Variants in PDE1C observed in about 807,000 individuals in gnomAD.
PDE1C encodes the protein phosphodiesterase 1C.
PDE1C carries 62 observed loss-of-function variants against 93.1 expected under a neutral mutation model. That is an observed-to-expected ratio of 0.67 (90% CI 0.54 to 0.82). The LOEUF (loss-of-function observed/expected upper bound fraction) is 0.82. Among genes scored for constraint, PDE1C ranks in the 40% least tolerant of loss-of-function variants. The pLI is 0.00. For synonymous variants in PDE1C, 325 were observed against 310.1 expected, an observed-to-expected ratio of 1.05 and a Z score of -0.50; for missense variants, 742 against 884.6, an observed-to-expected ratio of 0.84 and a Z score of 2.04.
chr7:31,893,036 A>G lies in PDE1C; in HGVS notation c.129-12176T>C, dbSNP rs1299838857. ...ACATTGTACCCCATAAATATATACA[A>G]TTATTGTCAGCTTATAATAAAAGTA... is the stretch of plus-strand genomic sequence containing the variant. On this transcript the variant is annotated intron_variant, in intron 2 of 17. Transcript: ENST00000396191. 2.6e-5 allele frequency among the ~76,000 whole-genome samples: 4 copies of G among 152,196 alleles called. No homozygotes were observed. The East Asian group carries it at 7.7e-4, about 29-fold the overall frequency.
At chr7:31,854,348 A>G (rs3801342) in intron 7 of PDE1C, among the ~76,000 whole-genome samples, 15,410 of 152,206 alleles carry the variant, frequency 0.1, 1,125 homozygotes, top group East Asian at 0.25. Context: ...GTGAACCCAG[A>G]AGGTTTTATG....
intron 2 of PDE1C, among the ~76,000 whole-genome samples, chr7:31,951,690 CTT>C (rs1176084681): frequency 6.6e-6 from 1 of 152,174 alleles, no homozygotes; most frequent in African/African-American, 2.4e-5. Context: ...ATGGCGAAGA[CTT>C]TTTGTTTTAC....
intron 2 of PDE1C, among the ~76,000 whole-genome samples, chr7:32,048,112 T>A (rs571756250): frequency 2.2e-4 from 33 of 152,296 alleles, no homozygotes; most frequent in African/African-American, 7.7e-4. Context: ...CTACCATTCA[T>A]CAAATGAGGA....
chr7:32,274,506 T>C (rs1424237010), intron 1 of PDE1C, among the ~76,000 whole-genome samples: 2 of 151,636 alleles, frequency 1.3e-5, no homozygotes, highest in Admixed American at 6.6e-5. Context: ...CCGCACCTAA[T>C]AGATAGTTTA....
intron 1 of PDE1C, among the ~76,000 whole-genome samples, chr7:32,405,787 C>T (rs1450974162): frequency 1.3e-5 from 2 of 152,172 alleles, no homozygotes; most frequent in African/African-American, 2.4e-5. Context: ...GCAAGCTCAG[C>T]TCTGCATTTA....
intron 16 of PDE1C, among the ~76,000 whole-genome samples, chr7:31,804,074 T>C (rs528044332): frequency 1.9e-4 from 29 of 151,956 alleles, no homozygotes; most frequent in South Asian, 1.4e-3. Context: ...TAATTTTTTA[T>C]TGGATGCCAA....
intron 1 of PDE1C, among the ~76,000 whole-genome samples, chr7:32,225,329 A>G (rs940713339): frequency 1.3e-5 from 2 of 151,174 alleles, no homozygotes; most frequent in African/African-American, 4.9e-5. Flanking sequence ...TTTTATTCCA[A>G]AGCATTCAAC....
intron 2 of PDE1C, among the ~76,000 whole-genome samples, chr7:31,889,938 G>GT (rs1365498936): frequency 1.3e-5 from 2 of 151,994 alleles, no homozygotes; most frequent in African/African-American, 4.8e-5. Context: ...TTTATCCCCT[G>GT]TTTTTATTGC....
intron 2 of PDE1C, among the ~76,000 whole-genome samples, chr7:31,941,872 A>G (rs1380019988): frequency 1.3e-5 from 2 of 152,228 alleles, no homozygotes; most frequent in African/African-American, 4.8e-5. Flanking sequence ...ATAACGTATG[A>G]AAGTCTTTTG....
chr7:31,674,902 TCAAA>T, the PDE1C span, among the ~76,000 whole-genome samples: 2 of 152,154 alleles, frequency 1.3e-5, no homozygotes, highest in Admixed American at 6.5e-5. Flanking sequence ...ATCTCAAAAC[TCAAA>T]CAAACAAACA....
At chr7:32,360,289 A>G (rs1454131418) in intron 1 of PDE1C, among the ~76,000 whole-genome samples, 1 of 152,226 alleles carries the variant, frequency 6.6e-6, no homozygotes, top group African/African-American at 2.4e-5. Flanking sequence ...GATTAGTAAG[A>G]TGAGAGACCT....
In PDE1C at chr7:31,839,891, G is replaced by T. The variant is rs541572161; in HGVS notation, c.981-1920C>A. On this transcript the variant is annotated intron_variant, in intron 9 of 17. Transcript: ENST00000396191. The stretch of plus-strand genomic sequence containing the variant: ...GTCTCTACTAAAAATACAAAAATTA[G>T]CTGGGTGTTGTGGCATGCGCCTGTA... 1.2e-3 allele frequency among the ~76,000 whole-genome samples: 182 copies of T among 152,272 alleles called. 1 individual carries two copies. The highest frequency in any genetic ancestry group is 3.9e-3 in the African/African-American group (164 of 41,566).
At chr7:32,375,103 C>T (rs1243464914) in intron 1 of PDE1C, among the ~76,000 whole-genome samples, 1 of 152,052 alleles carries the variant, frequency 6.6e-6, no homozygotes, top group Admixed American at 6.5e-5. Context: ...ATACGGTATC[C>T]CAGGGCTACT....
chr7:31,878,878 C>G (rs1044163002), intron 4 of PDE1C, 118 bp downstream of exon 4: 7 of 974,096 alleles, frequency 7.2e-6, no homozygotes, highest in Middle Eastern at 2.2e-4. Flanking sequence ...CTGTTTCTAC[C>G]CACAATTTTC....
At chr7:31,822,419 G>C (rs1436711273) in intron 14 of PDE1C, among the ~76,000 whole-genome samples, 1 of 152,096 alleles carries the variant, frequency 6.6e-6, no homozygotes, top group African/African-American at 2.4e-5. Flanking sequence ...ATGCTCAGTA[G>C]TCACAAATGC....
chr7:31,878,143 G>T, intron 4 of PDE1C, 107 bp from the exon 5 acceptor site: 2 of 693,658 alleles, frequency 2.9e-6, no homozygotes, highest in Non-Finnish European at 4.9e-6. Context: ...CAAGTGGGGT[G>T]ATCCAAAGAA....
chr7:31,749,691 T>C (rs1280298158), downstream of PDE1C, among the ~76,000 whole-genome samples: 1 of 151,252 alleles, frequency 6.6e-6, no homozygotes, highest in African/African-American at 2.4e-5. Flanking sequence ...CTGTGAGAAA[T>C]CCTCTGCAAA....
chr7:32,396,732 T>C (rs1005355891), intron 1 of PDE1C, among the ~76,000 whole-genome samples: 1 of 152,202 alleles, frequency 6.6e-6, no homozygotes, highest in Non-Finnish European at 1.5e-5. Context: ...AAAATGTTTT[T>C]TTTAAACTGG....
intron 17 of PDE1C, among the ~76,000 whole-genome samples, chr7:31,762,406 T>A (rs1266082044): frequency 6.6e-6 from 1 of 152,138 alleles, no homozygotes; most frequent in Non-Finnish European, 1.5e-5. Context: ...AGTGGCGCCA[T>A]CCCGGGTCAC....
Sources: gnomAD v4.1 joint callset for allele counts (sites outside exome capture counted in the v4.1 genomes callset) on GRCh38, gnomAD v4.1.1 for gene constraint, MANE v1.5 for transcripts, NCBI Gene and HGNC (gene_info 2026-07-23, HGNC 2026-07-21) for gene names.